LAMA2: variants seen among roughly 807,000 people sequenced by gnomAD.
The protein encoded by LAMA2 is laminin subunit alpha-2.
LAMA2 carries 269 observed loss-of-function variants against 364.8 expected under a neutral mutation model. That is an observed-to-expected ratio of 0.74 (90% CI 0.67 to 0.82). The LOEUF (loss-of-function observed/expected upper bound fraction) is 0.82, where lower values mean the gene tolerates loss of function less well. LAMA2 is among the 40% of genes least tolerant of loss of function. LAMA2 has a pLI of 0.00. For synonymous variants in LAMA2, 1,379 were observed against 1,370.6 expected, an observed-to-expected ratio of 1.01 and a Z score of -0.14; for missense variants, 3,807 against 3,873.2, an observed-to-expected ratio of 0.98 and a Z score of 0.45.
At chr6:129,009,089 A>T (rs1247974329) in intron 1 of LAMA2, among the ~76,000 whole-genome samples, 2 of 152,158 alleles carry the variant, frequency 1.3e-5, no homozygotes, top group South Asian at 4.1e-4. Context: ...TGAGATAGGG[A>T]TCATGCCATT....
intron 22 of LAMA2, among the ~76,000 whole-genome samples, chr6:129,305,312 T>C (rs898160526): frequency 2.0e-5 from 3 of 149,084 alleles, no homozygotes; most frequent in African/African-American, 7.3e-5. Flanking sequence ...CTTTTTAGTA[T>C]TTTAATGTGT....
intron 62 of LAMA2, 45 bp from the exon 63 acceptor site, chr6:129,512,318 T>C (rs1037460457): frequency 4.4e-6 from 7 of 1,589,184 alleles, no homozygotes; most frequent in South Asian, 3.3e-5. Flanking sequence ...GAATTAACAA[T>C]CCCCATCCTC....
chr6:129,460,312 G>C lies in LAMA2; in HGVS notation c.6980G>C (p.Gly2327Ala). The stretch of plus-strand genomic sequence containing the variant: ...CGAGAAAAAGAAGGTGACTGCAAAG[G>C]ATGCACTGTCAGGTTAGTTGAGATG... ...NFREKEGDCK[G>A]CTVSPQVEDS... Residue 2327 changes from glycine (G) to alanine (A), a missense_variant, in exon 49 of 65, where the codon GGA becomes GCA. Coordinates refer to ENST00000421865, the MANE Select transcript of LAMA2 (RefSeq NM_000426.4). The C allele has an allele frequency of 6.2e-7, 1 of 1,612,176 alleles. No individual in the cohort carries two copies.
At chr6:129,130,994 C>A (rs76823499) in intron 4 of LAMA2, among the ~76,000 whole-genome samples, 7 of 152,132 alleles carry the variant, frequency 4.6e-5, no homozygotes, top group Admixed American at 2.6e-4. Flanking sequence ...ATTACACTCC[C>A]TTTTCTTTTT....
intron 3 of LAMA2, among the ~76,000 whole-genome samples, chr6:129,088,605 C>A (rs979153221): frequency 6.6e-6 from 1 of 151,726 alleles, no homozygotes; most frequent in Non-Finnish European, 1.5e-5. Context: ...GGGTGGCTGC[C>A]GGGCGGAGAC....
At chr6:129,414,536 C>A (rs915383658) in intron 40 of LAMA2, among the ~76,000 whole-genome samples, 4 of 152,036 alleles carry the variant, frequency 2.6e-5, no homozygotes, top group African/African-American at 9.7e-5. Flanking sequence ...AATTTCTAAT[C>A]GTATCTATCT....
chr6:129,445,630 C>T, intron 44 of LAMA2, 37 bp from the exon 45 acceptor site: 1 of 1,577,108 alleles, frequency 6.3e-7, no homozygotes. Context: ...CACGTGTGTG[C>T]ATGCATATAC....
intron 1 of LAMA2, among the ~76,000 whole-genome samples, chr6:129,019,134 T>C (rs1785257777): frequency 6.6e-6 from 1 of 152,112 alleles, no homozygotes; most frequent in South Asian, 2.1e-4. Flanking sequence ...CTTGGTTTAC[T>C]TTCTCATTTT....
chr6:129,246,228 AG>A (rs1284900526), intron 12 of LAMA2, among the ~76,000 whole-genome samples: 1 of 152,140 alleles, frequency 6.6e-6, no homozygotes, highest in African/African-American at 2.4e-5. Context: ...ACTTTTGTGC[AG>A]TTCTTGCTTT....
intron 19 of LAMA2, among the ~76,000 whole-genome samples, chr6:129,290,447 T>A (rs1789612367): frequency 6.6e-6 from 1 of 152,180 alleles, no homozygotes; most frequent in African/African-American, 2.4e-5. Context: ...GAAGATAAAT[T>A]AAGCAGTTTT....
At chr6:129,113,891 G>A (rs1318109128) in intron 4 of LAMA2, among the ~76,000 whole-genome samples, 1 of 151,984 alleles carries the variant, frequency 6.6e-6, no homozygotes, top group Non-Finnish European at 1.5e-5. Context: ...ACTCAGAGGA[G>A]AGATAGTTTG....
chr6:129,394,219 C>T lies in LAMA2; in HGVS notation c.5445+964C>T, dbSNP rs573939361. Among the ~76,000 whole-genome samples the T allele has an allele frequency of 1.2e-3, 178 of 152,324 alleles. 2 individuals are homozygous for T. The highest frequency in any genetic ancestry group is 1.4e-3 in the Non-Finnish European group (95 of 68,034). On this transcript the variant is annotated intron_variant, in intron 37 of 64. Transcript: ENST00000421865. ...CCTTTGCTGTTTTCAAAGTATCTGACTCCAACAGGTCAGAAAACAGCAGCA... is the reference window on the plus strand; with the variant it reads ...CCTTTGCTGTTTTCAAAGTATCTGATTCCAACAGGTCAGAAAACAGCAGCA...
At chr6:128,963,640 A>G (rs1781671724) in intron 1 of LAMA2, among the ~76,000 whole-genome samples, 1 of 152,162 alleles carries the variant, frequency 6.6e-6, no homozygotes, top group African/African-American at 2.4e-5. Context: ...GTCTGTTTAA[A>G]TTATTAGCAA....
chr6:129,019,099 G>T (rs945822633), intron 1 of LAMA2, among the ~76,000 whole-genome samples: 8 of 151,840 alleles, frequency 5.3e-5, no homozygotes, highest in Non-Finnish European at 1.2e-4. Context: ...GATCTACCTT[G>T]TCAGGGATCC....
chr6:129,199,111 T>A (rs907316204), intron 12 of LAMA2, among the ~76,000 whole-genome samples: 1 of 152,050 alleles, frequency 6.6e-6, no homozygotes, highest in Non-Finnish European at 1.5e-5. Context: ...AAATAAAATA[T>A]TAACAACCCA....
intron 10 of LAMA2, among the ~76,000 whole-genome samples, chr6:129,181,865 A>G (rs1051263751): frequency 2.6e-5 from 4 of 151,886 alleles, no homozygotes; most frequent in Non-Finnish European, 4.4e-5. Flanking sequence ...AAATAAGTCT[A>G]CCCCTAGTAG....
intron 16 of LAMA2, among the ~76,000 whole-genome samples, chr6:129,267,984 A>T (rs887876799): frequency 1.3e-5 from 2 of 152,114 alleles, no homozygotes; most frequent in Admixed American, 1.3e-4. Context: ...AATGGTGCCA[A>T]TTAAGGAGGA....
intron 3 of LAMA2, among the ~76,000 whole-genome samples, chr6:129,086,549 T>G (rs1335248520): frequency 6.6e-6 from 1 of 152,216 alleles, no homozygotes; most frequent in African/African-American, 2.4e-5. Context: ...AATTCAGATG[T>G]AGAAAATATC....
At chr6:129,258,890 C>G (rs1469714871) in intron 14 of LAMA2, among the ~76,000 whole-genome samples, 1 of 152,010 alleles carries the variant, frequency 6.6e-6, no homozygotes, top group Non-Finnish European at 1.5e-5. Context: ...TGATATTTGC[C>G]TAATCTAGAA....
Sources: allele counts gnomAD v4.1 joint callset (sites outside exome capture counted in the v4.1 genomes callset), GRCh38; gene constraint gnomAD v4.1.1; transcripts MANE v1.5; gene names NCBI Gene and HGNC (gene_info 2026-07-23, HGNC 2026-07-21).